The following BMPER variants were observed in gnomAD, a reference collection of about 807,000 sequenced individuals.
BMPER encodes the protein BMP binding endothelial regulator, also known as BMP-binding endothelial regulator protein.
A neutral mutation model predicts 87.3 loss-of-function variants in BMPER; 45 were observed. That is an observed-to-expected ratio of 0.52 (90% CI 0.41 to 0.66). BMPER has a LOEUF of 0.66. Ranked by LOEUF, BMPER falls within the 30% of genes least tolerant of loss-of-function variation. The probability of loss-of-function intolerance (pLI) is 0.00; values close to 1 mark genes in which losing one functional copy is unlikely to be tolerated. For missense variants in BMPER, 784 were observed against 867.5 expected (o/e 0.90, Z 1.21); for synonymous variants, 326 against 316.2 (o/e 1.03, Z -0.33).
At chr7:33,953,876 G>A (rs182470473) in intron 3 of BMPER, among the ~76,000 whole-genome samples, 15 of 152,172 alleles carry the variant, frequency 9.9e-5, no homozygotes, top group Admixed American at 9.8e-4. Flanking sequence ...TCTAGGTACC[G>A]CATGTATGTG....
chr7:33,940,911 A>G (rs1784739709), intron 3 of BMPER, among the ~76,000 whole-genome samples: 1 of 136,758 alleles, frequency 7.3e-6, no homozygotes, highest in Non-Finnish European at 1.5e-5. Context: ...TATATTACAT[A>G]TTGTATATAT....
intron 11 of BMPER, among the ~76,000 whole-genome samples, chr7:34,070,662 G>A (rs1193195886): frequency 6.6e-6 from 1 of 152,020 alleles, no homozygotes; most frequent in Admixed American, 6.6e-5. Context: ...TTCAAAACAA[G>A]GTTCTGTGAT....
At chr7:33,944,487 G>A (rs548337322) in intron 3 of BMPER, among the ~76,000 whole-genome samples, 1 of 152,166 alleles carries the variant, frequency 6.6e-6, no homozygotes, top group African/African-American at 2.4e-5. Flanking sequence ...TTTCTCAATG[G>A]GAAATATTAT....
chr7:34,121,025 ATAT>A (rs1339804396), intron 13 of BMPER, among the ~76,000 whole-genome samples: 5 of 150,814 alleles, frequency 3.3e-5, no homozygotes, highest in Admixed American at 3.3e-4. Flanking sequence ...ATTATTTAAT[ATAT>A]TATTTAATTA....
chr7:34,065,242 C>A (rs1322257879), intron 11 of BMPER, among the ~76,000 whole-genome samples: 2 of 150,090 alleles, frequency 1.3e-5, no homozygotes, highest in Non-Finnish European at 3.0e-5. Context: ...CTCTCTCTCT[C>A]TCTCTCCCTC....
At position 33,913,290 on chromosome 7, in the gene BMPER, G is replaced by A. The variant is rs140121116; in HGVS notation, c.219+6387G>A. ...GGAGCTGGAGTTAGAAATCTCCATGGGAACCAGCAAGGGGAGCATCTTGAA... is the reference window on the plus strand; with the variant it reads ...GGAGCTGGAGTTAGAAATCTCCATGAGAACCAGCAAGGGGAGCATCTTGAA... On this transcript the variant is annotated intron_variant, in intron 2 of 14. Coordinates refer to ENST00000649409, the MANE Select transcript of BMPER (RefSeq NM_001365308.1). 2.5e-3 allele frequency among the ~76,000 whole-genome samples: 385 copies of A among 152,304 alleles called. 1 individual carries two copies. The highest frequency in any genetic ancestry group is 9.0e-3 in the African/African-American group (373 of 41,552).
At chr7:34,055,428 C>A (rs1788257612) in intron 9 of BMPER, 125 bp downstream of exon 9, 1 of 1,182,374 alleles carries the variant, frequency 8.5e-7, no homozygotes, top group Non-Finnish European at 1.2e-6. Context: ...TATATGTGTG[C>A]ATATATTAAT....
intron 13 of BMPER, among the ~76,000 whole-genome samples, chr7:34,103,939 A>T (rs183232352): frequency 6.6e-6 from 1 of 152,316 alleles, no homozygotes; most frequent in East Asian, 1.9e-4. Flanking sequence ...TATTGGATCA[A>T]GTTCACACTA....
At chr7:33,981,822 T>C (rs1427477) in intron 6 of BMPER, among the ~76,000 whole-genome samples, 87,277 of 152,070 alleles carry the variant, frequency 0.57, 25,369 homozygotes, top group Middle Eastern at 0.65. Context: ...TCAGCTGCTG[T>C]AGAGCTTATG....
intron 6 of BMPER, among the ~76,000 whole-genome samples, chr7:34,024,623 G>A (rs1352279986): frequency 3.3e-5 from 5 of 150,738 alleles, no homozygotes; most frequent in Non-Finnish European, 7.4e-5. Flanking sequence ...TGCATGTACT[G>A]CTCTTTCTTG....
At chr7:33,933,872 C>T (rs529511253) in intron 2 of BMPER, among the ~76,000 whole-genome samples, 1 of 152,250 alleles carries the variant, frequency 6.6e-6, no homozygotes, top group South Asian at 2.1e-4. Flanking sequence ...TCTTGGGTGA[C>T]CCTGGGCAAG....
At chr7:33,999,953 G>T (rs1197206677) in intron 6 of BMPER, among the ~76,000 whole-genome samples, 1 of 152,194 alleles carries the variant, frequency 6.6e-6, no homozygotes, top group Non-Finnish European at 1.5e-5. Flanking sequence ...CCCTCTAGGG[G>T]AGAGTGCCAT....
chr7:34,001,855 A>G (rs767773528), intron 6 of BMPER, among the ~76,000 whole-genome samples: 1 of 151,686 alleles, frequency 6.6e-6, no homozygotes, highest in East Asian at 1.9e-4. Flanking sequence ...GTTATATCCC[A>G]TAAGTGTTTT....
chr7:34,133,765 C>T (rs1038442535), intron 13 of BMPER, among the ~76,000 whole-genome samples: 6 of 152,116 alleles, frequency 3.9e-5, no homozygotes, highest in African/African-American at 1.4e-4. Flanking sequence ...AATTTCAGGA[C>T]ATCTAGTTGG....
rs549980648 is a variant in BMPER, at chr7:34,069,533, G to A, written c.1078+7486G>A. 1.4e-4 allele frequency among the ~76,000 whole-genome samples: 22 copies of A among 152,250 alleles called. 1 individual carries two copies. The South Asian group carries it at 4.6e-3, about 32-fold the overall frequency. On this transcript the variant is annotated intron_variant, in intron 11 of 14. Transcript: ENST00000649409. The stretch of plus-strand genomic sequence containing the variant: ...GAATTAGAAGCTGTCATTAGCCTGA[G>A]GGTGAAAGAAATTAAATAGTTTGTG...
At chr7:33,927,833 T>A (rs1374750741) in intron 2 of BMPER, among the ~76,000 whole-genome samples, 2 of 152,210 alleles carry the variant, frequency 1.3e-5, no homozygotes, top group African/African-American at 4.8e-5. Flanking sequence ...CATCATCTTC[T>A]ACTTAGTTCA....
At chr7:33,924,277 T>G (rs1784304663) in intron 2 of BMPER, among the ~76,000 whole-genome samples, 1 of 152,252 alleles carries the variant, frequency 6.6e-6, no homozygotes, top group Admixed American at 6.5e-5. Context: ...TACCTGTTAC[T>G]GCTCTTGACT....
chr7:33,969,509 C>T (rs1428163855), intron 4 of BMPER, among the ~76,000 whole-genome samples: 4 of 152,208 alleles, frequency 2.6e-5, no homozygotes, highest in Non-Finnish European at 5.9e-5. Flanking sequence ...ACACCATTCT[C>T]CTGCCTCAGC....
At chr7:34,038,604 G>T (rs1417653289) in intron 6 of BMPER, among the ~76,000 whole-genome samples, 1 of 152,078 alleles carries the variant, frequency 6.6e-6, no homozygotes, top group Non-Finnish European at 1.5e-5. Context: ...AACATTAATT[G>T]GCATGCAAAA....
Sources: gnomAD v4.1 joint callset for allele counts (sites outside exome capture counted in the v4.1 genomes callset) on GRCh38, gnomAD v4.1.1 for gene constraint, MANE v1.5 for transcripts, NCBI Gene and HGNC (gene_info 2026-07-23, HGNC 2026-07-21) for gene names.